The following PLD5 variants were observed in gnomAD, a reference collection of about 807,000 sequenced individuals.
PLD5 encodes the protein phospholipase D family member 5.
A neutral mutation model predicts 61.1 loss-of-function variants in PLD5; 36 were observed. That is an observed-to-expected ratio of 0.59 (90% CI 0.45 to 0.78). The LOEUF is 0.78. Among genes scored for constraint, PLD5 ranks in the 30% least tolerant of loss-of-function variants. The pLI is 0.00. For missense variants in PLD5, 515 were observed against 644.4 expected, an observed-to-expected ratio of 0.80 and a Z score of 2.17; for synonymous variants, 243 against 242.8, an observed-to-expected ratio of 1.00 and a Z score of -0.01.
intron 1 of PLD5, among the ~76,000 whole-genome samples, chr1:242,436,005 G>A (rs187633822): frequency 5.3e-5 from 8 of 152,130 alleles, no homozygotes; most frequent in East Asian, 1.9e-4. Flanking sequence ...AAAAATATCC[G>A]ACAACTTTCA....
At chr1:242,247,273 C>T (rs965549045) in intron 4 of PLD5, among the ~76,000 whole-genome samples, 19 of 152,170 alleles carry the variant, frequency 1.2e-4, no homozygotes, top group African/African-American at 3.1e-4. Flanking sequence ...TGAGCCACCG[C>T]GCCCGGCCTT....
At chr1:242,449,316 A>G in intron 1 of PLD5, 1 of 1,536,046 alleles carries the variant, frequency 6.5e-7, no homozygotes, top group East Asian at 2.4e-5. Context: ...TTTCCCAGGT[A>G]ACACACTAGG....
chr1:242,114,169 A>G (rs1661760638), intron 6 of PLD5, 143 bp from the exon 7 acceptor site: 1 of 894,218 alleles, frequency 1.1e-6, no homozygotes, highest in African/African-American at 1.7e-5. Context: ...AGACAAAGAT[A>G]TTTTCAATCT....
At chr1:242,434,870 T>C (rs1665914087) in intron 1 of PLD5, among the ~76,000 whole-genome samples, 1 of 152,220 alleles carries the variant, frequency 6.6e-6, no homozygotes, top group East Asian at 1.9e-4. Flanking sequence ...ACCTTGGCCT[T>C]CCAATTTAAT....
At chr1:242,381,259 G>C (rs1301317924) in intron 1 of PLD5, among the ~76,000 whole-genome samples, 1 of 152,172 alleles carries the variant, frequency 6.6e-6, no homozygotes, top group East Asian at 1.9e-4. Context: ...GGATATGAAT[G>C]GAGCTGGAGG....
At chr1:242,391,085 C>T (rs1662901716) in intron 1 of PLD5, among the ~76,000 whole-genome samples, 1 of 152,084 alleles carries the variant, frequency 6.6e-6, no homozygotes, top group South Asian at 2.1e-4. Context: ...GTCCTAGCTA[C>T]TCGGGAGGCT....
At chr1:242,384,020 A>G (rs968074697) in intron 1 of PLD5, among the ~76,000 whole-genome samples, 1 of 152,214 alleles carries the variant, frequency 6.6e-6, no homozygotes, top group Non-Finnish European at 1.5e-5. Context: ...AATCCGCTGC[A>G]AAATCCCGCT....
intron 1 of PLD5, among the ~76,000 whole-genome samples, chr1:242,467,117 G>C (rs1414624716): frequency 1.3e-5 from 2 of 151,976 alleles, no homozygotes; most frequent in African/African-American, 2.4e-5. Flanking sequence ...CCATAAAAAA[G>C]GTAAGTCTGT....
At chr1:242,169,713 T>C (rs1574441532) in intron 5 of PLD5, among the ~76,000 whole-genome samples, 1 of 136,010 alleles carries the variant, frequency 7.4e-6, no homozygotes, top group African/African-American at 3.8e-5. Context: ...AGCAGCAGTC[T>C]GAGATCAACC....
chr1:242,504,860 G>A (rs1214775736), intron 1 of PLD5, among the ~76,000 whole-genome samples: 1 of 152,042 alleles, frequency 6.6e-6, no homozygotes, highest in East Asian at 1.9e-4. Context: ...TAATTTATAT[G>A]ATTTAAAACT....
At chr1:242,267,071 C>T (rs1474299841) in intron 3 of PLD5, among the ~76,000 whole-genome samples, 1 of 150,856 alleles carries the variant, frequency 6.6e-6, no homozygotes, top group Admixed American at 6.6e-5. Flanking sequence ...GAGCTGAGAT[C>T]ACGCCACTGA....
chr1:242,231,165 A>C (rs998598131), intron 4 of PLD5, among the ~76,000 whole-genome samples: 2 of 152,218 alleles, frequency 1.3e-5, no homozygotes, highest in African/African-American at 4.8e-5. Context: ...CTATTAAAAA[A>C]TAATAAGGTC....
At chr1:242,105,908 A>G (rs1021951554) in intron 8 of PLD5, among the ~76,000 whole-genome samples, 13 of 152,228 alleles carry the variant, frequency 8.5e-5, no homozygotes, top group African/African-American at 3.1e-4. Context: ...CTATGGATAC[A>G]TGGAAATAAC....
intron 1 of PLD5, among the ~76,000 whole-genome samples, chr1:242,474,827 T>C (rs1234725157): frequency 6.6e-6 from 1 of 152,198 alleles, no homozygotes. Flanking sequence ...TGAAATCACC[T>C]TCTCTGCAAA....
intron 1 of PLD5, among the ~76,000 whole-genome samples, chr1:242,490,715 T>G (rs1189975312): frequency 6.6e-6 from 1 of 152,200 alleles, no homozygotes; most frequent in Non-Finnish European, 1.5e-5. Context: ...TTCATCTCTT[T>G]TTTAATCTTG....
intron 1 of PLD5, among the ~76,000 whole-genome samples, chr1:242,392,941 C>T (rs1470079994): frequency 6.6e-5 from 10 of 151,940 alleles, no homozygotes; most frequent in Non-Finnish European, 1.3e-4. Context: ...CAGTGGCTCA[C>T]GCCTGTATTC....
At chr1:242,434,021 A>G (rs1263856765) in intron 1 of PLD5, among the ~76,000 whole-genome samples, 4 of 152,246 alleles carry the variant, frequency 2.6e-5, no homozygotes, top group African/African-American at 9.6e-5. Flanking sequence ...ACTCTGAGTA[A>G]GATGGAAAGC....
intron 1 of PLD5, among the ~76,000 whole-genome samples, chr1:242,452,773 G>A (rs573043669): frequency 1.4e-3 from 207 of 152,250 alleles, no homozygotes; most frequent in Admixed American, 3.3e-3. Flanking sequence ...CTGAGATTGC[G>A]CCACTGCACA....
intron 4 of PLD5, among the ~76,000 whole-genome samples, chr1:242,228,797 CAGAG>C (rs1671116185): frequency 6.6e-6 from 1 of 152,030 alleles, no homozygotes; most frequent in African/African-American, 2.4e-5. Flanking sequence ...GTCCTCGCAA[CAGAG>C]AGAAATGATG....
Sources: gnomAD v4.1 joint callset for allele counts (sites outside exome capture counted in the v4.1 genomes callset) on GRCh38, gnomAD v4.1.1 for gene constraint, MANE v1.5 for transcripts, NCBI Gene and HGNC (gene_info 2026-07-23, HGNC 2026-07-21) for gene names.